Variants in NRXN1 observed in about 807,000 individuals in gnomAD.
NRXN1 encodes neurexin 1.
Under a neutral mutation model 150.9 loss-of-function variants are expected in NRXN1, and 39 were observed. That is an observed-to-expected ratio of 0.26 (90% confidence interval 0.20 to 0.34). NRXN1 has a LOEUF of 0.34. Ranked by LOEUF, NRXN1 falls within the 10% of genes least tolerant of loss-of-function variation. NRXN1 has a pLI of 1.00. For missense variants in NRXN1, 1,815 were observed against 1,949.9 expected, an observed-to-expected ratio of 0.93 and a Z score of 1.30; for synonymous variants, 924 against 757.0, an observed-to-expected ratio of 1.22 and a Z score of -3.62.
chr2:50,977,181 AAAAGG>A (rs1695976086), intron 2 of NRXN1, among the ~76,000 whole-genome samples: 3 of 151,970 alleles, frequency 2.0e-5, no homozygotes, highest in Admixed American at 2.0e-4. Context: ...ATATAAAAAG[AAAAGG>A]AAAGAGAAAG....
chr2:50,861,978 G>T (rs1559364034), intron 5 of NRXN1, among the ~76,000 whole-genome samples: 1 of 151,950 alleles, frequency 6.6e-6, no homozygotes, highest in South Asian at 2.1e-4. Context: ...GAGGTGGGCA[G>T]ATTACCTGAG....
chr2:50,097,946 T>C (rs562593979), intron 18 of NRXN1, among the ~76,000 whole-genome samples: 1 of 152,214 alleles, frequency 6.6e-6, no homozygotes, highest in East Asian at 1.9e-4. Context: ...GCCACCCAAA[T>C]ACATTTCTAA....
At chr2:50,999,307 G>A (rs1699731829) in intron 2 of NRXN1, among the ~76,000 whole-genome samples, 1 of 151,938 alleles carries the variant, frequency 6.6e-6, no homozygotes, top group Admixed American at 6.6e-5. Flanking sequence ...ATTATGCACT[G>A]TACAAGGTGG....
In NRXN1 at chr2:50,496,115, G is replaced by C. The variant is rs201444551; in HGVS notation, c.2880-20C>G. The C allele has an allele frequency of 1.3e-6, 2 of 1,562,716 alleles. No individual in the cohort carries two copies. The highest frequency in any genetic ancestry group is 8.7e-7 in the Non-Finnish European group (1 of 1,150,342). ...AAGTACCTGGGAAAAAAATGAAAGA[G>C]GGGAAAGTGCCATCACTTTTTAAAT... is the stretch of plus-strand genomic sequence containing the variant. On this transcript the variant is annotated intron_variant, in intron 14 of 22. Coordinates refer to ENST00000401669, the MANE Select transcript of NRXN1 (RefSeq NM_001330078.2).
intron 5 of NRXN1, chr2:50,633,029 G>A (rs1403299983): frequency 6.6e-6 from 1 of 152,102 alleles, no homozygotes; most frequent in African/African-American, 2.4e-5. Context: ...TGTAAAGGGT[G>A]TATAACTCCT....
intron 13 of NRXN1, among the ~76,000 whole-genome samples, chr2:50,503,054 T>C (rs993596681): frequency 4.6e-5 from 7 of 152,092 alleles, no homozygotes; most frequent in Non-Finnish European, 1.0e-4. Flanking sequence ...ATGTCTGTAA[T>C]CCCGGTACTT....
At chr2:50,505,945 C>G (rs2092199143) in intron 13 of NRXN1, among the ~76,000 whole-genome samples, 1 of 152,124 alleles carries the variant, frequency 6.6e-6, no homozygotes, top group Non-Finnish European at 1.5e-5. Flanking sequence ...GACCTGCATA[C>G]AGCTCACCTC....
chr2:51,026,420 A>G lies in NRXN1; in HGVS notation c.772+1082T>C, dbSNP rs776286709. On this transcript the variant is annotated intron_variant, in intron 2 of 22. Transcript: ENST00000401669. ...TTATACAACAGTATTTTCCTTGGTC[A>G]TTGTCATGTAACAGCACCGGCAAAA... The G allele has an allele frequency of 8.1e-6, 13 of 1,604,896 alleles. No individual in the cohort carries two copies. The East Asian group carries it at 1.8e-4, about 22-fold the overall frequency.
intron 5 of NRXN1, among the ~76,000 whole-genome samples, chr2:50,888,193 C>A (rs1326133491): frequency 6.6e-6 from 1 of 151,294 alleles, no homozygotes; most frequent in African/African-American, 2.4e-5. Flanking sequence ...AATACTAACC[C>A]CAAACATTAA....
intron 2 of NRXN1, among the ~76,000 whole-genome samples, chr2:50,995,127 G>T (rs961062462): frequency 3.9e-5 from 6 of 151,936 alleles, no homozygotes; most frequent in Non-Finnish European, 8.8e-5. Context: ...AGAGAGAACT[G>T]CATTGCTTTA....
chr2:50,932,075 G>A (rs1281620160), intron 2 of NRXN1, among the ~76,000 whole-genome samples: 8 of 151,952 alleles, frequency 5.3e-5, no homozygotes, highest in East Asian at 1.9e-4. Context: ...TGTTGGCCAG[G>A]TGCCTGGCCA....
intron 18 of NRXN1, among the ~76,000 whole-genome samples, chr2:50,226,085 A>T (rs1405823681): frequency 1.3e-5 from 2 of 151,992 alleles, no homozygotes; most frequent in Non-Finnish European, 2.9e-5. Context: ...GGTTAAGCAC[A>T]TGGATTTAGG....
intron 19 of NRXN1, among the ~76,000 whole-genome samples, chr2:50,064,126 T>C (rs938396629): frequency 1.2e-4 from 18 of 152,148 alleles, no homozygotes; most frequent in African/African-American, 4.3e-4. Context: ...CCATTTAGTG[T>C]CCACTAATTA....
intron 21 of NRXN1, among the ~76,000 whole-genome samples, chr2:50,037,238 T>C (rs892216050): frequency 1.3e-5 from 2 of 152,152 alleles, no homozygotes; most frequent in African/African-American, 4.8e-5. Flanking sequence ...TCTCCTTTGT[T>C]CTTTTTTTTA....
chr2:50,430,673 T>C (rs558157151), intron 17 of NRXN1, among the ~76,000 whole-genome samples: 4 of 152,340 alleles, frequency 2.6e-5, no homozygotes, highest in African/African-American at 9.6e-5. Context: ...TCTATAGGCT[T>C]GTGTGTGAAT....
chr2:50,366,142 C>A (rs1024737141), intron 17 of NRXN1, among the ~76,000 whole-genome samples: 2 of 136,752 alleles, frequency 1.5e-5, no homozygotes, highest in Non-Finnish European at 3.1e-5. Flanking sequence ...TGGGTTTTCT[C>A]GGCTGGACAC....
At chr2:50,002,264 T>C (rs1009018502) in intron 21 of NRXN1, among the ~76,000 whole-genome samples, 1 of 152,118 alleles carries the variant, frequency 6.6e-6, no homozygotes, top group African/African-American at 2.4e-5. Context: ...CTAATACACA[T>C]ACTTCCATAT....
chr2:50,523,690 C>G (rs950685668), intron 12 of NRXN1, among the ~76,000 whole-genome samples: 1 of 152,122 alleles, frequency 6.6e-6, no homozygotes, highest in Non-Finnish European at 1.5e-5. Flanking sequence ...ATTATCTACT[C>G]CAGACATCCA....
At chr2:51,018,944 A>C (rs540398315) in intron 2 of NRXN1, among the ~76,000 whole-genome samples, 1 of 152,242 alleles carries the variant, frequency 6.6e-6, no homozygotes, top group Non-Finnish European at 1.5e-5. Flanking sequence ...CAAATAAACA[A>C]GCGTTATGAA....
Sources: allele counts gnomAD v4.1 joint callset (sites outside exome capture counted in the v4.1 genomes callset), GRCh38; gene constraint gnomAD v4.1.1; transcripts MANE v1.5; gene names NCBI Gene and HGNC (gene_info 2026-07-23, HGNC 2026-07-21).